Variants in MIDEAS observed in about 807,000 individuals in gnomAD.
MIDEAS encodes mitotic deacetylase associated SANT domain protein.
In MIDEAS, 26 loss-of-function variants were observed where a neutral mutation model predicts 102.7. The observed-to-expected ratio is 0.25, with a 90% CI of 0.19 to 0.35. MIDEAS has a LOEUF of 0.35. Among genes scored for constraint, MIDEAS ranks in the 10% least tolerant of loss-of-function variants. The pLI, the probability that MIDEAS is intolerant of heterozygous loss-of-function variation, is 1.00. For synonymous variants in MIDEAS, 585 were observed against 591.0 expected (o/e 0.99, Z 0.15); for missense variants, 1,231 against 1,435.6 (o/e 0.86, Z 2.30).
At position 73,725,963 on chromosome 14, in the gene MIDEAS, G is replaced by T. The variant is rs1409091151; in HGVS notation, c.2485+70C>A. 5 of 1,350,138 alleles carry T rather than the reference G, an allele frequency of 3.7e-6. No individual in the cohort carries two copies. The highest frequency in any genetic ancestry group is 1.4e-5 in the African/African-American group (1 of 69,090). 83.6% of individuals were successfully genotyped at this position (1,350,138 alleles called of 1,614,324 possible). On this transcript the variant is annotated intron_variant, in intron 8 of 12. Coordinates refer to ENST00000423556, the MANE Select transcript of MIDEAS (RefSeq NM_001367710.1). The surrounding 1 kb of genome is among the most constrained non-coding windows in gnomAD (Gnocchi z 4.1). Reference sequence around the variant, plus strand: ...CCACCCAGGGCTGTGACTCAGCACTGAGCAGGGCCCCATGGATGCTGGAGA... The same window carrying T: ...CCACCCAGGGCTGTGACTCAGCACTTAGCAGGGCCCCATGGATGCTGGAGA...
chr14:73,727,405 C>T, intron 5 of MIDEAS, 53 bp downstream of exon 5: 1 of 1,593,528 alleles, frequency 6.3e-7, no homozygotes. Flanking sequence ...CCTGCACACA[C>T]TGCACCAGTG....
chr14:73,730,977 G>GA (rs140866113), intron 3 of MIDEAS, among the ~76,000 whole-genome samples: 23,198 of 150,866 alleles, frequency 0.15, 2,104 homozygotes, highest in South Asian at 0.28. Context: ...AAAGGAAAAA[G>GA]AAAAAAAAAT....
intron 3 of MIDEAS, chr14:73,730,323 A>G: frequency 2.4e-6 from 1 of 418,178 alleles, no homozygotes; most frequent in Non-Finnish European, 4.5e-6. Flanking sequence ...TGGCCCCCAG[A>G]CCACAGTTCC....
intron 1 of MIDEAS, among the ~76,000 whole-genome samples, chr14:73,766,771 T>C (rs959147936): frequency 6.6e-6 from 1 of 151,816 alleles, no homozygotes; most frequent in Non-Finnish European, 1.5e-5. Context: ...AGGATGGTCG[T>C]CTCAATCTCC....
At chr14:73,756,287 T>C (rs1183452624) in intron 1 of MIDEAS, among the ~76,000 whole-genome samples, 1,641 of 99,672 alleles carry the variant, frequency 0.016, 32 homozygotes, top group African/African-American at 0.059. Flanking sequence ...TGTGTGTGTG[T>C]GTGTGTGTGC....
rs2053046389 is a variant in MIDEAS at position 73,725,342 on chromosome 14, A to G, written c.2504T>C (p.Met835Thr). 1.9e-6 allele frequency: 3 copies of G among 1,614,042 alleles called. No homozygotes were observed. Among genetic ancestry groups the G allele is most frequent in the Non-Finnish European group, 2.5e-6 (3 of 1,179,932 alleles). Residue 835 changes from methionine (M) to threonine (T), a missense_variant, in exon 9 of 13, where the codon ATG (methionine) becomes ACG (threonine). Around this residue, in one of 5 missense-constraint regions of MIDEAS, gnomAD observed 391 missense variants for 483.0 expected, o/e 0.81. Coordinates refer to ENST00000423556, the MANE Select transcript of MIDEAS (RefSeq NM_001367710.1). The surrounding 1 kb of genome is among the most constrained non-coding windows in gnomAD (Gnocchi z 4.1). The part of the protein sequence containing the change: ...YHYTGSDQWK[M>T]AERKLFNKGI... The stretch of plus-strand genomic sequence containing the variant: ...TTTGTTGAACAGCTTCCTCTCGGCC[A>G]TCTTCCACTGGTCAGAGCCTATGGG...
intron 3 of MIDEAS, among the ~76,000 whole-genome samples, chr14:73,733,795 A>G (rs1391356560): frequency 6.6e-6 from 1 of 150,402 alleles, no homozygotes; most frequent in Non-Finnish European, 1.5e-5. Flanking sequence ...CCCAGGTTCA[A>G]GCGATTCTCT....
intron 1 of MIDEAS, among the ~76,000 whole-genome samples, chr14:73,753,448 G>T (rs756480396): frequency 4.8e-4 from 73 of 152,368 alleles, no homozygotes; most frequent in Admixed American, 3.2e-3. Context: ...ACCAGCCTCT[G>T]TGAGCCTGGG....
At chr14:73,776,810 C>G (rs1308346328) in intron 1 of MIDEAS, among the ~76,000 whole-genome samples, 1 of 151,978 alleles carries the variant, frequency 6.6e-6, no homozygotes, top group African/African-American at 2.4e-5. Flanking sequence ...CTCAGGCTCA[C>G]GCCTGTAACC....
chr14:73,752,265 T>C (rs2878733), intron 1 of MIDEAS, among the ~76,000 whole-genome samples: 31,117 of 152,128 alleles, frequency 0.2, 4,248 homozygotes, highest in Non-Finnish European at 0.29. Context: ...TAAGGACACA[T>C]GGCTGACTAC....
chr14:73,764,359 A>AC (rs1424773968), upstream of MIDEAS, among the ~76,000 whole-genome samples: 2,140 of 117,338 alleles, frequency 0.018, 69 homozygotes, highest in East Asian at 0.2. Flanking sequence ...AAAAAAAAAA[A>AC]AAAACAAAAC....
At chr14:73,783,428 C>G (rs2053774382) in intron 1 of MIDEAS, among the ~76,000 whole-genome samples, 1 of 152,156 alleles carries the variant, frequency 6.6e-6, no homozygotes, top group Non-Finnish European at 1.5e-5. Context: ...CAGAGTGGGT[C>G]ACCGGGTCAG....
At chr14:73,754,276 T>G (rs1358292887) in intron 1 of MIDEAS, among the ~76,000 whole-genome samples, 1 of 152,186 alleles carries the variant, frequency 6.6e-6, no homozygotes, top group African/African-American at 2.4e-5. Flanking sequence ...GTTTTTCCCC[T>G]CCCAACTGTC....
chr14:73,768,836 T>C (rs1156958710), intron 1 of MIDEAS, among the ~76,000 whole-genome samples: 1 of 152,156 alleles, frequency 6.6e-6, no homozygotes, highest in East Asian at 1.9e-4. Context: ...TCAGAACTTC[T>C]GGCTTGTCAT....
Position 73,733,479 on chromosome 14 carries a change from C to T in MIDEAS, c.1750-3494G>A, listed in dbSNP as rs149410871. ...TGGCCTGCACCTGTAGTCCCAGCTA[C>T]TCAGGAGGCTGAGGCAGAAGAATCG... On this transcript the variant is annotated intron_variant, in intron 3 of 12. Transcript: ENST00000423556. Among the ~76,000 whole-genome samples the T allele has an allele frequency of 5.3e-3, 804 of 152,042 alleles. 3 individuals carry two copies. The highest frequency in any genetic ancestry group is 0.019 in the African/African-American group (774 of 41,484).
chr14:73,772,586 TG>T (rs1445627493), intron 1 of MIDEAS, among the ~76,000 whole-genome samples: 2 of 152,188 alleles, frequency 1.3e-5, no homozygotes, highest in African/African-American at 4.8e-5. Context: ...GTTTTGGTTT[TG>T]TTTTTTTTTC....
At chr14:73,719,215 T>TAC in intron 12 of MIDEAS, 90 bp downstream of exon 12, 1 of 1,512,420 alleles carries the variant, frequency 6.6e-7, no homozygotes, top group Non-Finnish European at 8.8e-7. Context: ...ACACCGCCTG[T>TAC]ACCTCTTCCC....
chr14:73,750,254 T>C (rs746135960), intron 1 of MIDEAS, among the ~76,000 whole-genome samples: 1 of 152,162 alleles, frequency 6.6e-6, no homozygotes, highest in Non-Finnish European at 1.5e-5. Flanking sequence ...CAAATCTTTA[T>C]CTTGTGTCTT....
intron 1 of MIDEAS, among the ~76,000 whole-genome samples, chr14:73,751,396 G>A (rs1399949252): frequency 6.6e-6 from 1 of 152,212 alleles, no homozygotes; most frequent in Non-Finnish European, 1.5e-5. Flanking sequence ...TTCAGCCCCT[G>A]AAAACCACCA....
Sources: allele counts gnomAD v4.1 joint callset (sites outside exome capture counted in the v4.1 genomes callset), GRCh38; gene constraint gnomAD v4.1.1; regional missense constraint gnomAD v4.1.1; non-coding constraint Gnocchi (gnomAD v3.1); transcripts MANE v1.5; gene names NCBI Gene and HGNC (gene_info 2026-07-23, HGNC 2026-07-21).